TMPRSS9: variants seen among roughly 807,000 people sequenced by gnomAD.
The protein encoded by TMPRSS9 is transmembrane serine protease 9.
Under a neutral mutation model 111.4 loss-of-function variants are expected in TMPRSS9, and 113 were observed. The ratio of observed to expected loss-of-function variants is 1.01; its 90% CI spans 0.87 to 1.19. The LOEUF (loss-of-function observed/expected upper bound fraction) is 1.19. TMPRSS9 is among the 50% of genes most tolerant of loss of function. The pLI, the probability that TMPRSS9 is intolerant of heterozygous loss-of-function variation, is 0.00. For missense variants in TMPRSS9, 1,803 were observed against 1,513.1 expected (o/e 1.19, Z -3.18); for synonymous variants, 805 against 659.1 (o/e 1.22, Z -3.39).
chr19:2,415,819 T>TCTGCCGC lies in TMPRSS9; in HGVS notation c.1725_1731dup (p.His578CysfsTer118), dbSNP rs1971219127. The stretch of plus-strand genomic sequence containing the variant: ...TGTGGTGGGGGACCGCTGGCTGCTG[T>TCTGCCGC]CTGCCGCCCACTGCTTCAACCAGTA... On this transcript the variant is annotated frameshift_variant, in exon 11 of 18. Transcript: ENST00000648592. LOFTEE classifies it high-confidence loss of function. The TCTGCCGC allele has an allele frequency of 1.1e-5, 18 of 1,599,936 alleles. No homozygotes were observed. Among genetic ancestry groups the TCTGCCGC allele is most frequent in the Admixed American group, 1.7e-5 (1 of 59,058 alleles).
exon 4 of TMPRSS9, chr19:2,399,165 T>C (rs1201602544): frequency 1.2e-6 from 2 of 1,608,994 alleles, no homozygotes; most frequent in Non-Finnish European, 1.7e-6. Flanking sequence ...TGGCTGCCTA[T>C]GGCACAATTG....
chr19:2,419,371 T>C (rs1335353030), intron 13 of TMPRSS9, among the ~76,000 whole-genome samples: 3 of 148,984 alleles, frequency 2.0e-5, no homozygotes, highest in Non-Finnish European at 3.0e-5. Flanking sequence ...GCCCAGCTAA[T>C]TTTTGTATTT....
In TMPRSS9 at chr19:2,399,227, G is replaced by A. The variant is rs73528053; in HGVS notation, c.514+34G>A. Reference sequence around the variant, plus strand: ...GCAGCCGAGACCGAAACCCCATCACGAGGAGGCTGGAGTGGGGCAGGAGCT... The same window carrying A: ...GCAGCCGAGACCGAAACCCCATCACAAGGAGGCTGGAGTGGGGCAGGAGCT... On this transcript the variant is annotated intron_variant, in intron 4 of 17. Transcript: ENST00000648592. 121 of 1,544,086 alleles carry A rather than the reference G, an allele frequency of 7.8e-5. No homozygotes were observed. In the African/African-American group the frequency reaches 1.3e-3, roughly 17 times the overall value.
At chr19:2,362,281 CATG>C in intron 1 of TMPRSS9, among the ~76,000 whole-genome samples, 1 of 151,408 alleles carries the variant, frequency 6.6e-6, no homozygotes, top group East Asian at 1.9e-4. Context: ...GTTGTGTGGT[CATG>C]TGTGGTTGCG....
At chr19:2,424,136 G>A (rs200916680) in exon 15 of TMPRSS9, 17 of 1,415,358 alleles carry the variant, frequency 1.2e-5, no homozygotes, top group East Asian at 2.9e-5. Context: ...GGGCGGCAGC[G>A]CAGCGGGCCG....
intron 1 of TMPRSS9, among the ~76,000 whole-genome samples, chr19:2,366,679 A>G (rs1970250092): frequency 6.6e-6 from 1 of 150,818 alleles, no homozygotes; most frequent in South Asian, 2.1e-4. Context: ...AACACGATGA[A>G]ACCCCACCTC....
At chr19:2,393,009 C>T (rs1290475010) in intron 1 of TMPRSS9, among the ~76,000 whole-genome samples, 1 of 152,092 alleles carries the variant, frequency 6.6e-6, no homozygotes, top group Non-Finnish European at 1.5e-5. Context: ...GGATTGTAAA[C>T]ACACCAATCA....
At chr19:2,363,805 C>T (rs78434388) in intron 1 of TMPRSS9, among the ~76,000 whole-genome samples, 27,923 of 105,368 alleles carry the variant, frequency 0.27, 4,188 homozygotes, top group African/African-American at 0.47. Context: ...TGTGTGTGTG[C>T]GTGCGCGCGT....
chr19:2,398,953 A>T, intron 3 of TMPRSS9, 65 bp from the exon 5 acceptor site: 1 of 1,552,088 alleles, frequency 6.4e-7, no homozygotes, highest in East Asian at 2.4e-5. Context: ...ATTCTAGAAG[A>T]TTCCAGAAGA....
At chr19:2,409,056 G>A (rs1189858712) in intron 8 of TMPRSS9, among the ~76,000 whole-genome samples, 1 of 148,540 alleles carries the variant, frequency 6.7e-6, no homozygotes, top group African/African-American at 2.5e-5. Flanking sequence ...AACACAGTGG[G>A]TCTGCATTAT....
intron 14 of TMPRSS9, 55 bp downstream of exon 15, chr19:2,422,302 C>G: frequency 1.4e-6 from 2 of 1,473,452 alleles, no homozygotes; most frequent in Non-Finnish European, 1.8e-6. Context: ...GTTAATCAGC[C>G]TGGGCTGCCT....
At chr19:2,426,160 C>T in exon 18 of TMPRSS9, 1 of 1,299,690 alleles carries the variant, frequency 7.7e-7, no homozygotes, top group Non-Finnish European at 9.8e-7. Context: ...AACACCCCAC[C>T]CCACCGTACC....
exon 14 of TMPRSS9, chr19:2,422,016 C>A: frequency 6.2e-7 from 1 of 1,613,000 alleles, no homozygotes; most frequent in Non-Finnish European, 8.5e-7. Flanking sequence ...GTCCTCCCAG[C>A]CCCTTCCCAT....
intron 1 of TMPRSS9, among the ~76,000 whole-genome samples, chr19:2,367,967 T>A (rs894866519): frequency 2.0e-5 from 3 of 152,176 alleles, no homozygotes; most frequent in African/African-American, 7.2e-5. Flanking sequence ...TGCCTCAGCT[T>A]CCCAAAATGT....
intron 1 of TMPRSS9, among the ~76,000 whole-genome samples, chr19:2,366,665 G>A (rs543200034): frequency 6.6e-6 from 1 of 151,538 alleles, no homozygotes; most frequent in East Asian, 2.0e-4. Context: ...AGACCATCCT[G>A]GCTAACACGA....
Position 2,389,833 on chromosome 19 carries a change from G to C in TMPRSS9, c.48G>C (p.Lys16Asn), listed in dbSNP as rs142722059. The C allele has an allele frequency of 5.2e-4, 838 of 1,613,860 alleles. 2 individuals are homozygous for C. Among genetic ancestry groups the C allele is most frequent in the Non-Finnish European group, 4.8e-4 (571 of 1,179,982 alleles). Residue 16 changes from lysine to asparagine, a missense_variant, in exon 1 of 18, where the codon AAG (lysine) becomes AAC (asparagine). Lys to Asn is a moderately conservative substitution (Grantham distance 94, BLOSUM62 0). Transcript: ENST00000648592. Reference sequence around the variant, plus strand: ...TACACCTCGTGCCCAGGACAACCAAGGAAGTCCCCGCTCTGGATGCCGCGT... The same window carrying C: ...TACACCTCGTGCCCAGGACAACCAACGAAGTCCCCGCTCTGGATGCCGCGT...
intron 4 of TMPRSS9, among the ~76,000 whole-genome samples, chr19:2,401,512 C>T (rs542376782): frequency 1.3e-5 from 2 of 152,242 alleles, no homozygotes; most frequent in South Asian, 2.1e-4. Flanking sequence ...ATTTCATCCT[C>T]GCTGATTGAA....
chr19:2,381,048 A>G (rs1411542886), intron 1 of TMPRSS9, among the ~76,000 whole-genome samples: 1 of 152,024 alleles, frequency 6.6e-6, no homozygotes, highest in African/African-American at 2.4e-5. Context: ...TCTAGTTTTG[A>G]GCCATTCTTG....
intron 1 of TMPRSS9, among the ~76,000 whole-genome samples, chr19:2,375,819 T>A (rs535832498): frequency 2.6e-5 from 4 of 152,184 alleles, no homozygotes; most frequent in Admixed American, 2.0e-4. Context: ...AAATTACAAC[T>A]GAAGGGACAA....
Sources: gnomAD v4.1 joint callset for allele counts (sites outside exome capture counted in the v4.1 genomes callset) on GRCh38, gnomAD v4.1.1 for gene constraint, MANE v1.5 for transcripts, NCBI Gene and HGNC (gene_info 2026-07-23, HGNC 2026-07-21) for gene names.